The following NMU variants were observed in gnomAD, a reference collection of about 807,000 sequenced individuals.
NMU encodes the protein neuromedin-U.
A neutral mutation model predicts 35.4 loss-of-function variants in NMU; 29 were observed. The ratio of observed to expected loss-of-function variants is 0.82; its 90% CI spans 0.61 to 1.12. NMU has a LOEUF of 1.12. Ranked by LOEUF, NMU falls within the 50% of genes most tolerant of loss-of-function variation. NMU has a pLI of 0.00. For synonymous variants in NMU, 78 were observed against 81.3 expected (o/e 0.96, Z 0.22); for missense variants, 199 against 206.2 (o/e 0.97, Z 0.21).
chr4:55,625,014 G>A (rs1460363956), intron 2 of NMU, among the ~76,000 whole-genome samples: 1 of 85,080 alleles, frequency 1.2e-5, no homozygotes, highest in Non-Finnish European at 2.3e-5. Context: ...TCTGGGGACT[G>A]TGGTGGGGTG....
At chr4:55,608,006 T>TA (rs1460699653) in intron 4 of NMU, among the ~76,000 whole-genome samples, 7 of 151,232 alleles carry the variant, frequency 4.6e-5, no homozygotes, top group South Asian at 2.1e-4. Context: ...CTGTCTCTAC[T>TA]AAAAAAAATA....
chr4:55,618,591 C>T (rs1374440833), intron 2 of NMU, among the ~76,000 whole-genome samples: 4 of 151,454 alleles, frequency 2.6e-5, no homozygotes, highest in Admixed American at 2.6e-4. Context: ...TCTTTCTTGT[C>T]TTTCTTTCTT....
Position 55,634,519 on chromosome 4 carries a change from A to G in NMU, c.112+1562T>C, listed in dbSNP as rs1426465391. 4.6e-5 allele frequency among the ~76,000 whole-genome samples: 7 copies of G among 152,228 alleles called. 1 individual carries two copies. Among genetic ancestry groups the G allele is most frequent in the Non-Finnish European group, 2.9e-5 (2 of 68,040 alleles). On this transcript the variant is annotated intron_variant, in intron 1 of 9. Coordinates refer to ENST00000264218, the MANE Select transcript of NMU (RefSeq NM_006681.4). ...GCCTTCTACAGTTACTGTTCAATCA[A>G]CAGCAGTCTGAAATTCTCCAACCCA...
chr4:55,603,759 C>T (rs953824352), intron 7 of NMU, among the ~76,000 whole-genome samples: 7 of 150,672 alleles, frequency 4.6e-5, no homozygotes, highest in Admixed American at 2.0e-4. Context: ...AAAAATACAA[C>T]AAATTAGCCG....
intron 2 of NMU, among the ~76,000 whole-genome samples, chr4:55,619,082 T>C (rs1734249776): frequency 6.6e-6 from 1 of 152,078 alleles, no homozygotes; most frequent in Admixed American, 6.5e-5. Flanking sequence ...TTACCCAGGC[T>C]GGTCTTGAAC....
chr4:55,619,888 C>T (rs1281941969), intron 2 of NMU, among the ~76,000 whole-genome samples: 1 of 127,864 alleles, frequency 7.8e-6, no homozygotes, highest in African/African-American at 2.7e-5. Context: ...CTGGGAGGCA[C>T]CCCCCAGCAG....
chr4:55,598,089 G>GTTTTTTTTTTTTTTTTTTTT (rs10588154), intron 9 of NMU, among the ~76,000 whole-genome samples: 1 of 85,394 alleles, frequency 1.2e-5, no homozygotes, highest in African/African-American at 4.3e-5. Flanking sequence ...TTTGGTTGTG[G>GTTTTTTTTTTTTTTTTTTTT]TTTTTTTTTT....
At chr4:55,598,774 C>A (rs766863979) in intron 9 of NMU, among the ~76,000 whole-genome samples, 7 of 152,176 alleles carry the variant, frequency 4.6e-5, no homozygotes, top group Non-Finnish European at 8.8e-5. Context: ...ATGATAGACA[C>A]TGATTACTGC....
intron 3 of NMU, among the ~76,000 whole-genome samples, chr4:55,612,382 A>G (rs775154476): frequency 6.6e-6 from 1 of 152,236 alleles, no homozygotes; most frequent in Non-Finnish European, 1.5e-5. Flanking sequence ...CCTGGGCGAC[A>G]GAGTGAGACC....
rs369495578 is a variant in NMU, at chr4:55,603,998, C to T, written c.435+1277G>A. ...ATATGTATATATGTGTATATATATA[C>T]GTATATATGTATATATGTGTATATA... On this transcript the variant is annotated intron_variant, in intron 7 of 9. Coordinates refer to ENST00000264218, the MANE Select transcript of NMU (RefSeq NM_006681.4). Among the ~76,000 whole-genome samples, 3 of 8,856 alleles carry T rather than the reference C, an allele frequency of 3.4e-4. 1 individual carries two copies. Among genetic ancestry groups the T allele is most frequent in the Non-Finnish European group, 6.4e-4 (3 of 4,690 alleles). 5.8% of individuals were successfully genotyped at this position (8,856 alleles called of 152,430 possible).
Position 55,630,419 on chromosome 4 carries a change from G to A in NMU, c.154C>T (p.Leu52=). ...TTCCTTACCTCATTCCACAACTGTA[G>A]CTGTTGTTCAGGCTGTAATCCTTGA... ...LPQGLQPEQQ[L]QLWNEIDDTC... The change falls in exon 2 of 10, where the codon CTA becomes TTA. Residue 52 remains leucine (L), a synonymous_variant. Coordinates refer to ENST00000264218, the MANE Select transcript of NMU (RefSeq NM_006681.4). 2 of 1,611,680 alleles carry A rather than the reference G, an allele frequency of 1.2e-6. No homozygotes were observed. Among genetic ancestry groups the A allele is most frequent in the Non-Finnish European group, 1.7e-6 (2 of 1,178,078 alleles).
rs755643855 is a variant in NMU, at chr4:55,605,351, T to C, written c.361-2A>G. On this transcript the variant is annotated splice_acceptor_variant, in intron 6 of 9. Coordinates refer to ENST00000264218, the MANE Select transcript of NMU (RefSeq NM_006681.4). LOFTEE classifies it high-confidence loss of function. Reference sequence around the variant, plus strand: ...CAGCAACGGATGCACAACTGACGACTGAGAGGACATGAACACACACGTGAA... The same window carrying C: ...CAGCAACGGATGCACAACTGACGACCGAGAGGACATGAACACACACGTGAA... The C allele has an allele frequency of 1.2e-6, 2 of 1,609,118 alleles. No homozygotes were observed. Among genetic ancestry groups the C allele is most frequent in the East Asian group, 4.5e-5 (2 of 44,858 alleles).
In NMU at chr4:55,618,775, CTT is replaced by C. The variant is rs1380211816; in HGVS notation, c.172-2392_172-2391del. ...TTTCTTTCTTCTCTCTCTTTCTTCT[CTT>C]TCTTTCCCTTTCTTTCTTCTCTTCC... On this transcript the variant is annotated intron_variant, in intron 2 of 9. Transcript: ENST00000264218. Among the ~76,000 whole-genome samples, 3 of 146,306 alleles carry C rather than the reference CTT, an allele frequency of 2.1e-5. No homozygotes were observed. In the Admixed American group the frequency reaches 2.1e-4, roughly 10 times the overall value.
chr4:55,615,065 C>T (rs1734064348), intron 3 of NMU, among the ~76,000 whole-genome samples: 2 of 152,206 alleles, frequency 1.3e-5, no homozygotes, highest in African/African-American at 4.8e-5. Flanking sequence ...GCCTGGGCAC[C>T]TCGGCCAAAC....
rs1196394078 is a variant in NMU at position 55,607,319 on chromosome 4, C to A, written c.339G>T (p.Lys113Asn). 6.2e-7 allele frequency: 1 copy of A among 1,608,138 alleles called. No homozygotes were observed. The highest frequency in any genetic ancestry group is 8.5e-7 in the Non-Finnish European group (1 of 1,175,086). ...RFLFHYSKTQKLGKSNVVSSV... is the reference protein window; with the variant it reads ...RFLFHYSKTQNLGKSNVVSSV... ...TTACCACAACATTTGACTTGCCCAA[C>A]TTCTGTGTCTTCGAATAATGAAATA... is the stretch of plus-strand genomic sequence containing the variant. Residue 113 changes from lysine to asparagine, a missense_variant, in exon 6 of 10, where the codon AAG becomes AAT. By Grantham distance (94) the Lys-to-Asn change is moderately conservative (BLOSUM62 0). Transcript: ENST00000264218.
rs1447956026 is a variant in NMU, at chr4:55,630,448, A to G, written c.125T>C (p.Leu42Ser). Residue 42 changes from leucine to serine, a missense_variant, in exon 2 of 10, where the codon TTA becomes TCA. Leu to Ser is a moderately radical substitution (Grantham distance 145, BLOSUM62 -2). Coordinates refer to ENST00000264218, the MANE Select transcript of NMU (RefSeq NM_006681.4). ...CAGACRGAPI[L>S]PQGLQPEQQL... ...TTGTTCAGGCTGTAATCCTTGAGGT[A>G]ATATTGGAGCACCTAAAAATAAAGT... The G allele has an allele frequency of 1.2e-6, 2 of 1,611,910 alleles. No homozygotes were observed. Among genetic ancestry groups the G allele is most frequent in the East Asian group, 4.5e-5 (2 of 44,718 alleles).
Position 55,618,238 on chromosome 4 carries a change from CAT to C in NMU, c.172-1855_172-1854del, listed in dbSNP as rs112552644. ...TAATTTTACTTTAAGTTCTGGGAAA[CAT>C]GTGCAGAACGTGCAGGTTTGTTACA... On this transcript the variant is annotated intron_variant, in intron 2 of 9. Transcript: ENST00000264218. 4.1e-4 allele frequency among the ~76,000 whole-genome samples: 63 copies of C among 152,250 alleles called. 1 individual carries two copies. The East Asian group carries it at 4.3e-3, about 10-fold the overall frequency.
intron 6 of NMU, among the ~76,000 whole-genome samples, chr4:55,605,632 A>G (rs926827845): frequency 2.0e-5 from 3 of 152,214 alleles, no homozygotes; most frequent in Non-Finnish European, 4.4e-5. Context: ...AACTGTCAGC[A>G]AGTAAAACCC....
intron 8 of NMU, 74 bp from the exon 9 acceptor site, chr4:55,599,255 G>T (rs1733327906): frequency 8.6e-7 from 1 of 1,167,278 alleles, no homozygotes; most frequent in South Asian, 1.2e-5. Context: ...ACAGATTGAT[G>T]ATTTAGAGGA....
Sources: allele counts gnomAD v4.1 joint callset (sites outside exome capture counted in the v4.1 genomes callset), GRCh38; gene constraint gnomAD v4.1.1; transcripts MANE v1.5; gene names NCBI Gene and HGNC (gene_info 2026-07-23, HGNC 2026-07-21).